Variants in FAM227A observed in about 807,000 individuals in gnomAD.
FAM227A encodes protein FAM227A.
Under a neutral mutation model 74.7 loss-of-function variants are expected in FAM227A, and 80 were observed. The ratio of observed to expected loss-of-function variants is 1.07; its 90% CI spans 0.89 to 1.29. The LOEUF (loss-of-function observed/expected upper bound fraction) is 1.29. Among genes scored for constraint, FAM227A ranks in the 50% most tolerant of loss-of-function variants. The pLI is 0.00. For missense variants in FAM227A, 654 were observed against 683.4 expected (o/e 0.96, Z 0.48); for synonymous variants, 237 against 241.8 (o/e 0.98, Z 0.19).
At chr22:38,603,584 A>G (rs1481255676) in intron 13 of FAM227A, among the ~76,000 whole-genome samples, 2 of 152,074 alleles carry the variant, frequency 1.3e-5, no homozygotes, top group South Asian at 4.1e-4. Flanking sequence ...TTCCATATAC[A>G]CAAATACATG....
At chr22:38,647,530 C>T (rs2092260990) in intron 2 of FAM227A, among the ~76,000 whole-genome samples, 1 of 152,122 alleles carries the variant, frequency 6.6e-6, no homozygotes, top group Non-Finnish European at 1.5e-5. Context: ...AGAGCTGTTT[C>T]CATATTTTAG....
At chr22:38,647,781 C>G (rs1160537366) in intron 2 of FAM227A, among the ~76,000 whole-genome samples, 1 of 152,184 alleles carries the variant, frequency 6.6e-6, no homozygotes, top group Non-Finnish European at 1.5e-5. Flanking sequence ...TCATTACCCT[C>G]AAGTGTTCTT....
At position 38,582,503 on chromosome 22, in the gene FAM227A, C is replaced by T. The variant is rs922585830; in HGVS notation, c.*3622G>A. ...GTTAGTTCCCTTTGATGCTCTACCC[C>T]GCTTCCCTTATAAAGGGCAAATAAT... On this transcript the variant is annotated 3_prime_UTR_variant, in exon 17 of 17. Transcript: ENST00000535113. 270 of 1,327,786 alleles carry T rather than the reference C, an allele frequency of 2.0e-4. 3 individuals carry two copies. In the Middle Eastern group the frequency reaches 3.3e-3, roughly 16 times the overall value. The allele number at this position is 1,327,786 out of a possible 1,614,324, so 82.3% of individuals were successfully genotyped here. A position where few individuals can be genotyped will look rare whatever the true frequency, so the allele number is the denominator to read the frequency against.
rs768168152 is a variant in FAM227A, at chr22:38,638,755, A to C, written c.363T>G (p.Val121=). 1.3e-6 allele frequency: 2 copies of C among 1,549,562 alleles called. No individual in the cohort carries two copies. Among genetic ancestry groups the C allele is most frequent in the Non-Finnish European group, 1.7e-6 (2 of 1,145,560 alleles). Reference sequence around the variant, plus strand: ...GCAGTAGATCCCTTACCCTTTTTATAACAGAAGATCTGGCATGTCTGAGTT... The same window carrying C: ...GCAGTAGATCCCTTACCCTTTTTATCACAGAAGATCTGGCATGTCTGAGTT... The part of the protein sequence containing the change: ...GSELRHARSS[V]IKRKTADKNL... Residue 121 remains valine (V), a synonymous_variant, in exon 5 of 17, where the codon GTT becomes GTG. Coordinates refer to ENST00000535113, the MANE Select transcript of FAM227A (RefSeq NM_001013647.2).
At chr22:38,596,314 C>G (rs2091044050) in intron 15 of FAM227A, among the ~76,000 whole-genome samples, 1 of 152,196 alleles carries the variant, frequency 6.6e-6, no homozygotes, top group African/African-American at 2.4e-5. Flanking sequence ...GAGTGAGACT[C>G]TGGCTCAAAA....
rs1342245226 is a variant in FAM227A, at chr22:38,579,281, C to G, written c.*6844G>C. ...GGTATCTGAAAACCAAGAATAATAT[C>G]GGCGCTGAGTTGTGAGAATTAAATG... On this transcript the variant is annotated 3_prime_UTR_variant, in exon 17 of 17. Coordinates refer to ENST00000535113, the MANE Select transcript of FAM227A (RefSeq NM_001013647.2). The G allele has an allele frequency of 6.6e-6, 1 of 152,110 alleles. No individual in the cohort carries two copies. The highest frequency in any genetic ancestry group is 1.5e-5 in the Non-Finnish European group (1 of 68,030). 9.4% of individuals were successfully genotyped at this position (152,110 alleles called of 1,614,324 possible). A position where few individuals can be genotyped will look rare whatever the true frequency, so the allele number is the denominator to read the frequency against.
intron 2 of FAM227A, among the ~76,000 whole-genome samples, chr22:38,647,401 T>C (rs2092258814): frequency 6.6e-6 from 1 of 152,228 alleles, no homozygotes; most frequent in Non-Finnish European, 1.5e-5. Flanking sequence ...GAGGCGGACG[T>C]TGCAGTGAGC....
intron 2 of FAM227A, among the ~76,000 whole-genome samples, chr22:38,649,055 A>G (rs140886901): frequency 1.4e-3 from 209 of 152,272 alleles, no homozygotes; most frequent in African/African-American, 4.5e-3. Flanking sequence ...AGTTGCTATC[A>G]ATAACATCTA....
chr22:38,583,501 TAAC>T lies in FAM227A; in HGVS notation c.*2621_*2623del, dbSNP rs1387632878. 1 of 153,498 alleles carries T rather than the reference TAAC, an allele frequency of 6.5e-6. No individual in the cohort carries two copies. Among genetic ancestry groups the T allele is most frequent in the Non-Finnish European group, 1.4e-5 (1 of 69,064 alleles). 9.5% of individuals were successfully genotyped at this position (153,498 alleles called of 1,614,324 possible). ...AGAAGAGTACACTTTATAACAGCAATAACAACAATAACAGCTTGTGGCAATTAC... is the reference window on the plus strand; with the variant it reads ...AGAAGAGTACACTTTATAACAGCAATAACAATAACAGCTTGTGGCAATTAC... On this transcript the variant is annotated 3_prime_UTR_variant, in exon 17 of 17. Transcript: ENST00000535113.
intron 1 of FAM227A, among the ~76,000 whole-genome samples, chr22:38,651,228 G>A (rs1042065686): frequency 3.8e-4 from 58 of 152,126 alleles, no homozygotes; most frequent in African/African-American, 1.4e-3. Context: ...TTAGCACCAT[G>A]CCTCCTCTGC....
chr22:38,642,139 G>A (rs777332694), intron 3 of FAM227A, among the ~76,000 whole-genome samples: 12 of 152,164 alleles, frequency 7.9e-5, no homozygotes, highest in Non-Finnish European at 1.5e-4. Flanking sequence ...TGAATAAACT[G>A]AAAAATCAAC....
chr22:38,605,280 C>A lies in FAM227A; in HGVS notation c.1195G>T (p.Glu399Ter). The change falls in exon 13 of 17, where the codon GAA becomes TAA. Residue 399 changes from glutamate (E) to a stop codon, truncating the protein, a stop_gained. Coordinates refer to ENST00000535113, the MANE Select transcript of FAM227A (RefSeq NM_001013647.2). LOFTEE classifies it high-confidence loss of function. Reference protein sequence around the residue: ...QEVKRISEARECENMFPKKSC... With the variant: ...QEVKRISEAR Reference sequence around the variant, plus strand: ...TTTTTAGGAAACATATTCTCACATTCTCTTGCTTCTGATATCCTCTTGACT... The same window carrying A: ...TTTTTAGGAAACATATTCTCACATTATCTTGCTTCTGATATCCTCTTGACT... 1 of 1,549,504 alleles carries A rather than the reference C, an allele frequency of 6.5e-7. No individual in the cohort carries two copies. Among genetic ancestry groups the A allele is most frequent in the East Asian group, 2.4e-5 (1 of 40,914 alleles).
rs983311730 is a variant in FAM227A, at chr22:38,582,110, G to A, written c.*4015C>T. The A allele has an allele frequency of 4.0e-6, 2 of 498,942 alleles. No homozygotes were observed. Among genetic ancestry groups the A allele is most frequent in the East Asian group, 3.2e-5 (1 of 30,788 alleles). 30.9% of individuals were successfully genotyped at this position (498,942 alleles called of 1,614,324 possible). A position where few individuals can be genotyped will look rare whatever the true frequency, so the allele number is the denominator to read the frequency against. On this transcript the variant is annotated 3_prime_UTR_variant, in exon 17 of 17. Coordinates refer to ENST00000535113, the MANE Select transcript of FAM227A (RefSeq NM_001013647.2). ...ATGAGAAACTGCACACATTTAAAGTGTATTTAGGTGTGTATACACCCATGA... is the reference window on the plus strand; with the variant it reads ...ATGAGAAACTGCACACATTTAAAGTATATTTAGGTGTGTATACACCCATGA...
In FAM227A at chr22:38,598,550, A is replaced by G. The variant is rs544625219; in HGVS notation, c.1380-1194T>C. On this transcript the variant is annotated intron_variant, in intron 14 of 16. Transcript: ENST00000535113. ...GAGTTGTTGTTATTACTCTCTCCCT[A>G]TAGAACATGTAAATAAGTTTGCGGA... 5.9e-5 allele frequency among the ~76,000 whole-genome samples: 9 copies of G among 152,344 alleles called. No homozygotes were observed. The East Asian group carries it at 1.7e-3, about 29-fold the overall frequency.
Position 38,620,258 on chromosome 22 carries a change from G to A in FAM227A, c.992C>T (p.Ala331Val). Residue 331 changes from alanine (A) to valine (V), a missense_variant, in exon 11 of 17, where the codon GCC (alanine) becomes GTC (valine). Transcript: ENST00000535113. ...GCTCTGGGCTGGCTTCTGGGAGAAGGCTCTCTTACCAGCAAACAAAGAAAA... is the reference window on the plus strand; with the variant it reads ...GCTCTGGGCTGGCTTCTGGGAGAAGACTCTCTTACCAGCAAACAAAGAAAA... ...REFSLFAGKR[A>V]FSQKPAQSRK... 7 of 1,551,384 alleles carry A rather than the reference G, an allele frequency of 4.5e-6. No individual in the cohort carries two copies. Among genetic ancestry groups the A allele is most frequent in the Non-Finnish European group, 6.1e-6 (7 of 1,146,712 alleles).
chr22:38,638,964 T>G, intron 4 of FAM227A, 142 bp from the exon 5 acceptor site: 1 of 574,214 alleles, frequency 1.7e-6, no homozygotes, highest in Non-Finnish European at 3.0e-6. Context: ...CCAACTGTGT[T>G]GCCGACTTAT....
At chr22:38,631,366 AT>A (rs1438842190) in intron 6 of FAM227A, among the ~76,000 whole-genome samples, 9 of 152,104 alleles carry the variant, frequency 5.9e-5, no homozygotes, top group Admixed American at 5.9e-4. Context: ...GATGGAAACA[AT>A]AGACACGGGG....
At chr22:38,607,586 T>C in intron 11 of FAM227A, 110 bp from the exon 12 acceptor site, 1 of 767,084 alleles carries the variant, frequency 1.3e-6, no homozygotes, top group South Asian at 1.6e-5. Flanking sequence ...TTCTTTGCTA[T>C]TTCTTACTGT....
chr22:38,593,794 G>A (rs1357286828), intron 15 of FAM227A, among the ~76,000 whole-genome samples: 6 of 152,196 alleles, frequency 3.9e-5, no homozygotes, highest in South Asian at 4.2e-4. Flanking sequence ...AGGCTCAAGC[G>A]ATTCTCCTGC....
Sources: gnomAD v4.1 joint callset for allele counts (sites outside exome capture counted in the v4.1 genomes callset) on GRCh38, gnomAD v4.1.1 for gene constraint, MANE v1.5 for transcripts, NCBI Gene and HGNC (gene_info 2026-07-23, HGNC 2026-07-21) for gene names.